The following THOC2 variants were observed in gnomAD, a reference collection of about 807,000 sequenced individuals.
THOC2 encodes THO complex 2.
Under a neutral mutation model 128.4 loss-of-function variants are expected in THOC2, and 10 were observed. The observed-to-expected ratio is 0.08, with a 90% CI of 0.05 to 0.13. The LOEUF (loss-of-function observed/expected upper bound fraction) is 0.13, where lower values mean the gene tolerates loss of function less well. THOC2 is among the 10% of genes least tolerant of loss of function. The pLI is 1.00. For missense variants in THOC2, 535 were observed against 1,155.7 expected (o/e 0.46, Z 7.79); for synonymous variants, 393 against 396.9 (o/e 0.99, Z 0.12).
At chrX:123,703,287 CATTG>C (rs999169025) in intron 4 of THOC2, among the ~76,000 whole-genome samples, 163 bp downstream of exon 4, 3 of 111,990 alleles carry the variant, frequency 2.7e-5, no homozygotes, top group East Asian at 2.8e-4. Flanking sequence ...TTGTTTATAA[CATTG>C]ATTATGACAT....
At chrX:123,638,754 T>A (rs866280731) in intron 17 of THOC2, among the ~76,000 whole-genome samples, 180 bp downstream of exon 17, 3 of 101,341 alleles carry the variant, frequency 3.0e-5, no homozygotes, top group African/African-American at 1.2e-4. Flanking sequence ...ACACACACTC[T>A]CTCTCTCTCT....
In THOC2 at chrX:123,622,838, C is replaced by T. The variant is rs921833180; in HGVS notation, c.3705G>A (p.Gln1235=). 6 of 1,192,583 alleles carry T rather than the reference C, an allele frequency of 5.0e-6. No homozygotes were observed. The highest frequency in any genetic ancestry group is 6.8e-6 in the Non-Finnish European group (6 of 881,911). The change falls in exon 30 of 39, where the codon CAG becomes CAA. Residue 1235 remains glutamine (Q), a synonymous_variant. Transcript: ENST00000245838. ...EETDKSRERS[Q]CGVKAVNKAS... ...CTTTATTAACAGCTTTCACACCACA[C>T]TGAGATCTCTCCCTTGATTTATCTG...
intron 29 of THOC2, 38 bp from the exon 30 acceptor site, chrX:123,622,898 A>G: frequency 2.0e-6 from 2 of 1,019,585 alleles, no homozygotes; most frequent in African/African-American, 1.9e-5. Flanking sequence ...CAAGCCCCTA[A>G]ATGTAAATAA....
At chrX:123,641,441 G>T (rs1413549926) in intron 15 of THOC2, among the ~76,000 whole-genome samples, 2 of 112,244 alleles carry the variant, frequency 1.8e-5, no homozygotes, top group Non-Finnish European at 3.8e-5. Context: ...AATTTCTCAT[G>T]ACAAAACTGG....
At chrX:123,669,821 ATTT>A (rs1186300328) in intron 9 of THOC2, among the ~76,000 whole-genome samples, 1 of 111,629 alleles carries the variant, frequency 9.0e-6, no homozygotes, top group East Asian at 2.8e-4. Context: ...CAAAAAGTCT[ATTT>A]TGTCCAACAG....
At chrX:123,656,641 C>T (rs961025602) in intron 12 of THOC2, among the ~76,000 whole-genome samples, 1 of 111,388 alleles carries the variant, frequency 9.0e-6, no homozygotes, top group African/African-American at 3.3e-5. Flanking sequence ...ACCCAGAAGG[C>T]GGAGGTTGCA....
chrX:123,696,365 A>G (rs2050447322), intron 6 of THOC2, among the ~76,000 whole-genome samples: 1 of 111,649 alleles, frequency 9.0e-6, no homozygotes, highest in Non-Finnish European at 1.9e-5. Context: ...AGGGAAAACC[A>G]GTAACACAAG....
At chrX:123,728,575 C>T (rs1015122026) in intron 1 of THOC2, among the ~76,000 whole-genome samples, 1 of 111,242 alleles carries the variant, frequency 9.0e-6, no homozygotes, top group African/African-American at 3.3e-5. Flanking sequence ...AAAGACTCAA[C>T]CACCAAGACT....
Position 123,644,927 on chromosome X carries a change from A to C in THOC2, c.1429-18T>G. ...ATAACTTCCTAAAAGAAAGAAGGAA[A>C]AGTTATTTCAGTAAGAGGTCTATAT... On this transcript the variant is annotated intron_variant, in intron 13 of 38. Coordinates refer to ENST00000245838, the MANE Select transcript of THOC2 (RefSeq NM_001081550.2). 4 of 1,171,071 alleles carry C rather than the reference A, an allele frequency of 3.4e-6. No homozygotes were observed. The highest frequency in any genetic ancestry group is 4.6e-6 in the Non-Finnish European group (4 of 870,701).
At chrX:123,664,341 C>A (rs1368691752) in intron 12 of THOC2, among the ~76,000 whole-genome samples, 2 of 111,853 alleles carry the variant, frequency 1.8e-5, no homozygotes, top group East Asian at 2.8e-4. Flanking sequence ...GCAACAAAAG[C>A]CAAAATTGAC....
At chrX:123,671,183 AT>A (rs1465911013) in intron 9 of THOC2, among the ~76,000 whole-genome samples, 1 of 111,856 alleles carries the variant, frequency 8.9e-6, no homozygotes, top group Non-Finnish European at 1.9e-5. Flanking sequence ...CAAGAAAAAT[AT>A]TTTTTAAATA....
rs149805730 is a variant in THOC2 at position 123,645,106 on chromosome X, G to T, written c.1429-197C>A. ...TAAAATGGGGTGAGGAAAGGAAAGG[G>T]GTAGCAAAGGAATGAGGAACTTTTA... On this transcript the variant is annotated intron_variant, in intron 13 of 38. Transcript: ENST00000245838. Among the ~76,000 whole-genome samples the T allele has an allele frequency of 2.1e-4, 23 of 111,969 alleles. No individual in the cohort carries two copies. The East Asian group carries it at 6.4e-3, about 31-fold the overall frequency.
At chrX:123,705,085 A>G (rs2050871460) in intron 3 of THOC2, among the ~76,000 whole-genome samples, 1 of 111,493 alleles carries the variant, frequency 9.0e-6, no homozygotes, top group Admixed American at 9.6e-5. Context: ...CTAAAGAAAA[A>G]TCTGGCAGCT....
chrX:123,636,210 T>A (rs1308305372), intron 18 of THOC2, 35 bp from the exon 19 acceptor site: 5 of 1,049,172 alleles, frequency 4.8e-6, no homozygotes, highest in Non-Finnish European at 6.6e-6. Flanking sequence ...AAACAACTCA[T>A]AAAACAAAAT....
intron 12 of THOC2, among the ~76,000 whole-genome samples, chrX:123,658,058 G>T (rs2048680228): frequency 9.3e-6 from 1 of 107,642 alleles, no homozygotes; most frequent in African/African-American, 3.4e-5. Context: ...AAAGAATTAG[G>T]ATTATGCTGT....
intron 1 of THOC2, among the ~76,000 whole-genome samples, chrX:123,714,617 C>T (rs1251529303): frequency 9.0e-6 from 1 of 111,619 alleles, no homozygotes; most frequent in African/African-American, 3.3e-5. Context: ...ATACTACAGA[C>T]CAAATGGATT....
At chrX:123,677,644 G>A (rs1482310167) in intron 8 of THOC2, among the ~76,000 whole-genome samples, 4 of 110,584 alleles carry the variant, frequency 3.6e-5, no homozygotes, top group Non-Finnish European at 7.6e-5. Context: ...CGAGGCAGGC[G>A]GATCACCTGA....
chrX:123,601,206 C>T lies in THOC2; in HGVS notation c.*151G>A, dbSNP rs2046259853. The T allele has an allele frequency of 8.9e-6, 1 of 112,128 alleles. No individual in the cohort carries two copies. The allele number at this position is 112,128 out of a possible 1,213,427, so 9.2% of individuals were successfully genotyped here. A position where few individuals can be genotyped will look rare whatever the true frequency, so the allele number is the denominator to read the frequency against. ...CACAACTTAACAATTTTAAGTTTTC[C>T]ACATGGAGCAATAAAGCAGGTAACT... is the stretch of plus-strand genomic sequence containing the variant. On this transcript the variant is annotated 3_prime_UTR_variant, in exon 39 of 39. Transcript: ENST00000245838.
intron 11 of THOC2, 27 bp downstream of exon 11, chrX:123,667,079 T>C (rs929673656): frequency 9.3e-7 from 1 of 1,076,865 alleles, no homozygotes; most frequent in East Asian, 3.1e-5. Flanking sequence ...TCTACCTCAA[T>C]GATTAATAAA....
Sources: gnomAD v4.1 joint callset for allele counts (sites outside exome capture counted in the v4.1 genomes callset) on GRCh38, gnomAD v4.1.1 for gene constraint, MANE v1.5 for transcripts, NCBI Gene and HGNC (gene_info 2026-07-23, HGNC 2026-07-21) for gene names.